Variants in EBI3 observed in about 807,000 individuals in gnomAD.
EBI3 encodes the protein Epstein-Barr virus induced 3.
Under a neutral mutation model 21.3 loss-of-function variants are expected in EBI3, and 19 were observed. The ratio of observed to expected loss-of-function variants is 0.89; its 90% CI spans 0.62 to 1.31. The LOEUF is 1.31. Among genes scored for constraint, EBI3 ranks in the 50% most tolerant of loss-of-function variants. The pLI is 0.00. For missense variants in EBI3, 331 were observed against 314.0 expected (o/e 1.05, Z -0.41); for synonymous variants, 154 against 131.2 (o/e 1.17, Z -1.19).
At chr19:4,230,443 G>A (rs897943671) in intron 1 of EBI3, among the ~76,000 whole-genome samples, 14 of 151,966 alleles carry the variant, frequency 9.2e-5, no homozygotes, top group South Asian at 6.2e-4. Context: ...GTGGTGGCAC[G>A]TGCCTGTAGT....
In EBI3 at chr19:4,231,327, G is replaced by GGA. The variant is rs755876989; in HGVS notation, c.200+8_200+9dup. On this transcript the variant is annotated splice_donor_region_variant and intron_variant, in intron 2 of 4. Transcript: ENST00000221847. Reference sequence around the variant, plus strand: ...TGTCCTTCATTGCCACGTACAGGTCGGAGAGCCTGGAAGGGGGCCTCAGGG... The same window carrying GGA: ...TGTCCTTCATTGCCACGTACAGGTCGGAGAGAGCCTGGAAGGGGGCCTCAGGG... The GGA allele has an allele frequency of 6.2e-7, 1 of 1,602,386 alleles. No homozygotes were observed. The highest frequency in any genetic ancestry group is 1.1e-5 in the South Asian group (1 of 89,912).
intron 2 of EBI3, among the ~76,000 whole-genome samples, chr19:4,231,770 C>CAAAAAAA (rs776262776): frequency 1.8e-4 from 19 of 102,900 alleles, no homozygotes; most frequent in African/African-American, 7.9e-4. Flanking sequence ...GACTCCATCT[C>CAAAAAAA]AAAAAAAAAA....
chr19:4,231,156 T>A (rs3760909), intron 1 of EBI3, 35 bp from the exon 2 acceptor site: 1 of 1,527,276 alleles, frequency 6.5e-7, no homozygotes, highest in Non-Finnish European at 8.8e-7. Context: ...AATCTGGGGG[T>A]AAACCAGAAG....
chr19:4,236,331 G>T (rs1396479330), intron 4 of EBI3, among the ~76,000 whole-genome samples: 1 of 151,732 alleles, frequency 6.6e-6, no homozygotes, highest in African/African-American at 2.4e-5. Context: ...TCCAGCCTGG[G>T]TGACAGAGTG....
intron 2 of EBI3, 136 bp downstream of exon 2, chr19:4,231,459 G>A (rs1970781999): frequency 2.3e-6 from 3 of 1,287,074 alleles, no homozygotes; most frequent in Non-Finnish European, 3.0e-6. Context: ...ATTCTAGGGC[G>A]GCCCCGTCCA....
chr19:4,231,770 C>CAAAAAAAAAAA (rs776262776), intron 2 of EBI3, among the ~76,000 whole-genome samples: 1 of 102,890 alleles, frequency 9.7e-6, no homozygotes, highest in African/African-American at 4.2e-5. Context: ...GACTCCATCT[C>CAAAAAAAAAAA]AAAAAAAAAA....
chr19:4,229,577 T>C lies in EBI3; in HGVS notation c.27T>C (p.Leu9=). 1 of 1,611,430 alleles carries C rather than the reference T, an allele frequency of 6.2e-7. No individual in the cohort carries two copies. Among genetic ancestry groups the C allele is most frequent in the Non-Finnish European group, 8.5e-7 (1 of 1,179,098 alleles). Residue 9 remains leucine (L), a synonymous_variant, in exon 1 of 5, where the codon CTT becomes CTC. Coordinates refer to ENST00000221847, the MANE Select transcript of EBI3 (RefSeq NM_005755.3). The part of the protein sequence containing the change: MTPQLLLA[L]VLWASCPPCS... ...TGACCCCGCAGCTTCTCCTGGCCCT[T>C]GTCCTCTGGGCCAGCTGCCCGCCCT...
At position 4,233,252 on chromosome 19, in the gene EBI3, C is replaced by T. The variant is rs374893448; in HGVS notation, c.324C>T (p.Ala108=). 25 of 1,612,130 alleles carry T rather than the reference C, an allele frequency of 1.6e-5. No individual in the cohort carries two copies. The highest frequency in any genetic ancestry group is 5.0e-5 in the Admixed American group (3 of 59,920). The change falls in exon 3 of 5, where the codon GCC becomes GCT. Residue 108 remains alanine, a synonymous_variant. Transcript: ENST00000221847. ...CTCCCTACGTGCTCAATGTCACCGC[C>T]GTCCACCCCTGGGGCTCCAGCAGCA... ...SMAPYVLNVT[A]VHPWGSSSSF...
At chr19:4,232,732 GAATGAATGAAGGGATGAATT>G (rs1403667767) in intron 2 of EBI3, among the ~76,000 whole-genome samples, 3 of 126,078 alleles carry the variant, frequency 2.4e-5, no homozygotes, top group Non-Finnish European at 3.3e-5. Flanking sequence ...ATGAATGAAT[GAATGAATGAAGGGATGAATT>G]AATGAATGAA....
chr19:4,233,852 C>T (rs1048419933), intron 3 of EBI3, among the ~76,000 whole-genome samples: 13 of 152,312 alleles, frequency 8.5e-5, no homozygotes, highest in Admixed American at 2.6e-4. Context: ...TCACCTCCTT[C>T]GGGTCTCTGT....
chr19:4,231,033 G>C (rs1325566455), intron 1 of EBI3, among the ~76,000 whole-genome samples, 158 bp from the exon 2 acceptor site: 2 of 152,176 alleles, frequency 1.3e-5, no homozygotes, highest in Admixed American at 1.3e-4. Flanking sequence ...AAAGATGACA[G>C]ATGACTTTTG....
At position 4,235,320 on chromosome 19, in the gene EBI3, T is replaced by G. The variant is rs574876286; in HGVS notation, c.537+496T>G. 1.1e-3 allele frequency among the ~76,000 whole-genome samples: 159 copies of G among 140,842 alleles called. 1 individual carries two copies. The highest frequency in any genetic ancestry group is 1.6e-3 in the Non-Finnish European group (110 of 67,624). 92.4% of individuals were successfully genotyped at this position (140,842 alleles called of 152,430 possible). On this transcript the variant is annotated intron_variant, in intron 4 of 4. Coordinates refer to ENST00000221847, the MANE Select transcript of EBI3 (RefSeq NM_005755.3). ...AGGCGTGAGCCACCGAATTGTTCAC[T>G]TTATTGATTGATTGATTGAAACAAG...
At chr19:4,230,365 C>T (rs1360805224) in intron 1 of EBI3, among the ~76,000 whole-genome samples, 1 of 150,652 alleles carries the variant, frequency 6.6e-6, no homozygotes, top group East Asian at 2.0e-4. Flanking sequence ...GAATTCGAGA[C>T]CAGCCTGGGC....
chr19:4,229,617 G>C lies in EBI3; in HGVS notation c.67G>C (p.Gly23Arg), dbSNP rs753463316. The change falls in exon 1 of 5, where the codon GGG (glycine) becomes CGG (arginine). Residue 23 changes from glycine (G) to arginine (R), a missense_variant and splice_region_variant. By Grantham distance (125) the Gly-to-Arg change is moderately radical (BLOSUM62 -2). Coordinates refer to ENST00000221847, the MANE Select transcript of EBI3 (RefSeq NM_005755.3). ...CTGCCCGCCCTGCAGTGGAAGGAAA[G>C]GTATGTGGGGCCCCTGGGGGACTGG... is the stretch of plus-strand genomic sequence containing the variant. ...ASCPPCSGRK[G>R]PPAALTLPRV... The C allele has an allele frequency of 6.2e-7, 1 of 1,606,328 alleles. No homozygotes were observed. Among genetic ancestry groups the C allele is most frequent in the South Asian group, 1.1e-5 (1 of 89,536 alleles).
intron 3 of EBI3, 23 bp downstream of exon 3, chr19:4,233,330 G>A (rs765035712): frequency 4.5e-6 from 7 of 1,546,548 alleles, no homozygotes; most frequent in South Asian, 1.2e-5. Context: ...GGCAGTGGGG[G>A]CGGGGGCGGG....
At chr19:4,234,636 C>A (rs746003055) in intron 3 of EBI3, 31 bp from the exon 4 acceptor site, 7 of 1,603,442 alleles carry the variant, frequency 4.4e-6, no homozygotes, top group Non-Finnish European at 6.0e-6. Flanking sequence ...GACTTACTGT[C>A]CCCTGACCCT....
intron 4 of EBI3, 94 bp downstream of exon 4, chr19:4,234,918 A>G: frequency 6.5e-7 from 1 of 1,526,814 alleles, no homozygotes; most frequent in Non-Finnish European, 8.8e-7. Context: ...TCTTGCACAT[A>G]GCTTGCGATT....
intron 4 of EBI3, among the ~76,000 whole-genome samples, chr19:4,236,358 A>C (rs1970836669): frequency 6.7e-6 from 1 of 149,522 alleles, no homozygotes. Flanking sequence ...CGTCTCAAAA[A>C]CAAACAAACA....
intron 3 of EBI3, among the ~76,000 whole-genome samples, chr19:4,233,975 C>A (rs2144676899): frequency 6.6e-6 from 1 of 152,270 alleles, no homozygotes; most frequent in South Asian, 2.1e-4. Context: ...GAGGCTGAGG[C>A]AGGCCGATCA....
Sources: allele counts gnomAD v4.1 joint callset (sites outside exome capture counted in the v4.1 genomes callset), GRCh38; gene constraint gnomAD v4.1.1; transcripts MANE v1.5; gene names NCBI Gene and HGNC (gene_info 2026-07-23, HGNC 2026-07-21).